Variants in GRB10 observed in about 807,000 individuals in gnomAD.
GRB10 encodes the protein growth factor receptor-bound protein 10.
GRB10 carries 20 observed loss-of-function variants against 80.9 expected under a neutral mutation model. The ratio of observed to expected loss-of-function variants is 0.25; its 90% CI spans 0.17 to 0.36. GRB10 has a LOEUF of 0.36. Among genes scored for constraint, GRB10 ranks in the 10% least tolerant of loss-of-function variants. The probability of loss-of-function intolerance (pLI) is 1.00; values close to 1 mark genes in which losing one functional copy is unlikely to be tolerated. For synonymous variants in GRB10, 291 were observed against 291.5 expected (o/e 1.00, Z 0.02); for missense variants, 548 against 747.7 (o/e 0.73, Z 3.12).
At chr7:50,692,626 T>G (rs2153659466) in intron 5 of GRB10, among the ~76,000 whole-genome samples, 1 of 152,218 alleles carries the variant, frequency 6.6e-6, no homozygotes, top group Admixed American at 6.5e-5. Context: ...TAATTGCATG[T>G]GAGTTCAGGA....
At chr7:50,714,167 CATA>C (rs1357060889) in intron 4 of GRB10, among the ~76,000 whole-genome samples, 1 of 152,134 alleles carries the variant, frequency 6.6e-6, no homozygotes, top group Non-Finnish European at 1.5e-5. Flanking sequence ...CATGTATTAA[CATA>C]ATATTAATTT....
intron 11 of GRB10, among the ~76,000 whole-genome samples, chr7:50,615,659 C>T (rs1472056218): frequency 6.6e-6 from 1 of 152,182 alleles, no homozygotes; most frequent in Non-Finnish European, 1.5e-5. Context: ...AGGCTCCTGC[C>T]ACAGGGTATA....
intron 5 of GRB10, among the ~76,000 whole-genome samples, chr7:50,690,894 G>A (rs963113480): frequency 2.6e-5 from 4 of 152,174 alleles, no homozygotes; most frequent in Admixed American, 6.5e-5. Context: ...TGGGGAAGGC[G>A]AAGGCCCAGA....
intron 7 of GRB10, among the ~76,000 whole-genome samples, chr7:50,647,990 T>C (rs958771845): frequency 3.9e-5 from 6 of 152,284 alleles, no homozygotes; most frequent in Admixed American, 2.6e-4. Flanking sequence ...CAGTGTCTTT[T>C]AAGCACCCAC....
intron 5 of GRB10, among the ~76,000 whole-genome samples, chr7:50,688,753 C>T (rs1213661174): frequency 1.5e-5 from 2 of 131,812 alleles, no homozygotes; most frequent in African/African-American, 6.1e-5. Flanking sequence ...GGTGCAGAGG[C>T]AGGCAGTGAG....
Position 50,666,997 on chromosome 7 carries a change from G to A in GRB10, c.504+2725C>T, listed in dbSNP as rs187105914. 8.5e-4 allele frequency among the ~76,000 whole-genome samples: 116 copies of A among 136,290 alleles called. 1 individual carries two copies. The East Asian group carries it at 0.017, about 20-fold the overall frequency. 89.4% of individuals were successfully genotyped at this position (136,290 alleles called of 152,430 possible). A position where few individuals can be genotyped will look rare whatever the true frequency, so the allele number is the denominator to read the frequency against. On this transcript the variant is annotated intron_variant, in intron 7 of 18. Transcript: ENST00000401949. ...AGAGCTTGCAGTGAGCCGAGATTGC[G>A]CCACTGCACTCCAGCAGCCTGGGCG...
intron 3 of GRB10, among the ~76,000 whole-genome samples, chr7:50,734,717 GC>G (rs1468066765): frequency 1.3e-5 from 2 of 152,230 alleles, no homozygotes; most frequent in Admixed American, 1.3e-4. Context: ...TGGCTTCTCC[GC>G]CAGGAAAATG....
intron 12 of GRB10, among the ~76,000 whole-genome samples, chr7:50,613,260 G>T (rs931082990): frequency 6.6e-6 from 1 of 152,126 alleles, no homozygotes; most frequent in Non-Finnish European, 1.5e-5. Flanking sequence ...GTTGCCCCCA[G>T]GCCACTGAGA....
chr7:50,742,255 ACGCG>A (rs764613646), intron 3 of GRB10, among the ~76,000 whole-genome samples: 31 of 33,286 alleles, frequency 9.3e-4, no homozygotes, highest in African/African-American at 3.5e-3. Flanking sequence ...GTGTAAACAC[ACGCG>A]CACGCGCGCG....
At chr7:50,752,036 C>T (rs1314304796) in intron 3 of GRB10, among the ~76,000 whole-genome samples, 2 of 152,154 alleles carry the variant, frequency 1.3e-5, no homozygotes, top group South Asian at 2.1e-4. Flanking sequence ...TGCCAAGGGG[C>T]ATGAATGATG....
At chr7:50,615,237 T>G (rs2050378678) in intron 11 of GRB10, among the ~76,000 whole-genome samples, 3 of 152,216 alleles carry the variant, frequency 2.0e-5, no homozygotes, top group Non-Finnish European at 2.9e-5. Context: ...TTTGGTTTGT[T>G]GTGAGTCCAG....
intron 2 of GRB10, among the ~76,000 whole-genome samples, chr7:50,768,803 C>T (rs1360773711): frequency 6.6e-6 from 1 of 152,192 alleles, no homozygotes; most frequent in Non-Finnish European, 1.5e-5. Flanking sequence ...TGAAAGGGGG[C>T]CCTCAGCTGT....
At chr7:50,627,070 T>G (rs542983528) in intron 7 of GRB10, 92 bp from the exon 8 acceptor site, 1 of 1,321,106 alleles carries the variant, frequency 7.6e-7, no homozygotes, top group Non-Finnish European at 1.1e-6. Flanking sequence ...AAAGTAAAAA[T>G]AGTAGTGCTC....
intron 2 of GRB10, among the ~76,000 whole-genome samples, chr7:50,763,853 C>T (rs946930770): frequency 2.0e-5 from 3 of 152,246 alleles, no homozygotes; most frequent in Non-Finnish European, 2.9e-5. Flanking sequence ...TCTAAGCATC[C>T]TCACTGCTTC....
chr7:50,612,649 G>A (rs1050517875), intron 13 of GRB10, 92 bp downstream of exon 13: 12 of 807,872 alleles, frequency 1.5e-5, no homozygotes, highest in Admixed American at 7.7e-5. Context: ...GAAAAGTTAC[G>A]AGCATTTTCC....
chr7:50,596,207 G>A (rs2153561076), intron 17 of GRB10, among the ~76,000 whole-genome samples: 1 of 152,334 alleles, frequency 6.6e-6, no homozygotes, highest in East Asian at 1.9e-4. Context: ...GTATTGTACT[G>A]TTAATACTTA....
chr7:50,716,320 G>A (rs1039139684), intron 4 of GRB10, among the ~76,000 whole-genome samples: 3 of 152,116 alleles, frequency 2.0e-5, no homozygotes, highest in African/African-American at 7.2e-5. Flanking sequence ...AGCCTCAAAA[G>A]GGTCAAACTA....
chr7:50,593,147 G>C (rs369009344), intron 18 of GRB10, 49 bp from the exon 19 acceptor site: 5 of 1,609,156 alleles, frequency 3.1e-6, no homozygotes, highest in African/African-American at 2.7e-5. Context: ...CCACCTCAGG[G>C]AACAGAACGG....
chr7:50,764,088 T>C (rs1364399447), intron 2 of GRB10, among the ~76,000 whole-genome samples: 3 of 152,338 alleles, frequency 2.0e-5, no homozygotes, highest in East Asian at 3.9e-4. Context: ...GGCCTTTGCA[T>C]GCTCTCTGCC....
Sources: gnomAD v4.1 joint callset for allele counts (sites outside exome capture counted in the v4.1 genomes callset) on GRCh38, gnomAD v4.1.1 for gene constraint, MANE v1.5 for transcripts, NCBI Gene and HGNC (gene_info 2026-07-23, HGNC 2026-07-21) for gene names.